Variants in PITPNM2 observed in about 807,000 individuals in gnomAD.
The protein encoded by PITPNM2 is phosphatidylinositol transfer protein membrane associated 2.
PITPNM2 carries 35 observed loss-of-function variants against 132.2 expected under a neutral mutation model. The observed-to-expected ratio is 0.26, with a 90% CI of 0.20 to 0.35. PITPNM2 has a LOEUF of 0.35. Ranked by LOEUF, PITPNM2 falls within the 10% of genes least tolerant of loss-of-function variation. PITPNM2 has a pLI of 1.00. For synonymous variants in PITPNM2, 738 were observed against 799.2 expected, an observed-to-expected ratio of 0.92 and a Z score of 1.29; for missense variants, 1,332 against 1,912.0, an observed-to-expected ratio of 0.70 and a Z score of 5.66.
chr12:123,069,131 T>C (rs928356771), intron 2 of PITPNM2, among the ~76,000 whole-genome samples: 2 of 151,266 alleles, frequency 1.3e-5, no homozygotes, highest in African/African-American at 4.9e-5. Context: ...ATTGTGCCTG[T>C]AGAACCAGCT....
chr12:123,125,882 TTTTTTG>T, intron 1 of PITPNM2, among the ~76,000 whole-genome samples: 1 of 114,494 alleles, frequency 8.7e-6, no homozygotes, highest in African/African-American at 3.2e-5. Flanking sequence ...TTTTTTTTTT[TTTTTTG>T]AGATGGAGTC....
In PITPNM2 at chr12:123,078,619, C is replaced by T. The variant is rs189871730; in HGVS notation, c.-96+31766G>A. 2.6e-5 allele frequency among the ~76,000 whole-genome samples: 4 copies of T among 152,346 alleles called. No individual in the cohort carries two copies. In the East Asian group the frequency reaches 7.7e-4, roughly 29 times the overall value. ...GTTGCCAAATCCTGAGTCACATCTT[C>T]CCACCCTCAGGGATAAGGGGATACC... is the stretch of plus-strand genomic sequence containing the variant. On this transcript the variant is annotated intron_variant, in intron 2 of 25. Coordinates refer to ENST00000320201, the MANE Select transcript of PITPNM2 (RefSeq NM_020845.3). This position sits in a 1 kb window ranked among gnomAD's most constrained non-coding sequence, Gnocchi z 7.3.
Position 123,005,820 on chromosome 12 carries a change from G to A in PITPNM2, c.644-272C>T, listed in dbSNP as rs2038903206. The A allele has an allele frequency of 4.0e-6, 2 of 495,522 alleles. No individual in the cohort carries two copies. Among genetic ancestry groups the A allele is most frequent in the Non-Finnish European group, 7.2e-6 (2 of 279,138 alleles). The allele number at this position is 495,522 out of a possible 1,614,324, so 30.7% of individuals were successfully genotyped here. A position where few individuals can be genotyped will look rare whatever the true frequency, so the allele number is the denominator to read the frequency against. On this transcript the variant is annotated intron_variant, in intron 6 of 25. Coordinates refer to ENST00000320201, the MANE Select transcript of PITPNM2 (RefSeq NM_020845.3). The surrounding 1 kb of genome is among the most constrained non-coding windows in gnomAD (Gnocchi z 6.2). Reference sequence around the variant, plus strand: ...GTCCGGTCAGAAGCCACAGTTGGAAGGGCGCAGTGGCTCATGCCTGTAATC... The same window carrying A: ...GTCCGGTCAGAAGCCACAGTTGGAAAGGCGCAGTGGCTCATGCCTGTAATC...
intron 2 of PITPNM2, among the ~76,000 whole-genome samples, chr12:123,037,826 C>G (rs1396581999): frequency 6.6e-6 from 1 of 152,246 alleles, no homozygotes; most frequent in East Asian, 1.9e-4. Flanking sequence ...GAGCCAGCAC[C>G]CAGACACTGG....
chr12:122,994,779 C>A lies in PITPNM2; in HGVS notation c.2233+22G>T, dbSNP rs1354273591. ...CGCACCCAGTGCATGTACCCCCCAT[C>A]CTGCCCCTGCTGGGCTCTCACCATC... is the stretch of plus-strand genomic sequence containing the variant. On this transcript the variant is annotated intron_variant, in intron 15 of 25. Coordinates refer to ENST00000320201, the MANE Select transcript of PITPNM2 (RefSeq NM_020845.3). The surrounding 1 kb of genome is among the most constrained non-coding windows in gnomAD (Gnocchi z 5.4). The A allele has an allele frequency of 6.2e-7, 1 of 1,601,334 alleles. No homozygotes were observed. The highest frequency in any genetic ancestry group is 8.5e-7 in the Non-Finnish European group (1 of 1,176,174).
chr12:123,057,059 C>T (rs10773921), intron 2 of PITPNM2, among the ~76,000 whole-genome samples: 82,342 of 151,896 alleles, frequency 0.54, 26,803 homozygotes, highest in Non-Finnish European at 0.71. Flanking sequence ...AACCGGGGAG[C>T]ATATCTTCAG....
At chr12:123,081,670 A>G (rs1265465046) in intron 2 of PITPNM2, 1 of 152,208 alleles carries the variant, frequency 6.6e-6, no homozygotes, top group Non-Finnish European at 1.5e-5. Flanking sequence ...CGGGGTCTGA[A>G]GCCCAGGGTC....
chr12:123,100,838 C>A (rs1013442480), intron 2 of PITPNM2, among the ~76,000 whole-genome samples: 1 of 152,216 alleles, frequency 6.6e-6, no homozygotes, highest in Non-Finnish European at 1.5e-5. Context: ...GAGGCAGGAA[C>A]AGTATCTAAC....
In PITPNM2 at chr12:122,986,166, G is replaced by T; in HGVS notation, c.3911C>A (p.Pro1304His). Residue 1304 changes from proline to histidine, a missense_variant, in exon 26 of 26, where the codon CCC (proline) becomes CAC (histidine). By Grantham distance (77) the Pro-to-His change is moderately conservative. This residue lies in a region of PITPNM2 where 163 missense variants were observed against 177.2 expected (regional missense o/e 0.92). Coordinates refer to ENST00000320201, the MANE Select transcript of PITPNM2 (RefSeq NM_020845.3). ...LRTISAQPSG[P>H]SHRHERTQSQ... The stretch of plus-strand genomic sequence containing the variant: ...CTGTGTCCGCTCGTGCCGGTGGCTG[G>T]GCCCGCTGGGCTGGGCCGAGATGGT... 6.5e-7 allele frequency: 1 copy of T among 1,537,332 alleles called. No individual in the cohort carries two copies.
intron 1 of PITPNM2, among the ~76,000 whole-genome samples, chr12:123,135,784 C>T (rs2043368912): frequency 6.6e-6 from 1 of 152,148 alleles, no homozygotes; most frequent in Non-Finnish European, 1.5e-5. Flanking sequence ...TCATAGCACA[C>T]CATAGCCCCA....
chr12:123,019,406 T>C (rs1303156774), intron 3 of PITPNM2, among the ~76,000 whole-genome samples: 3 of 151,912 alleles, frequency 2.0e-5, no homozygotes, highest in Non-Finnish European at 4.4e-5. Context: ...GAATAAAAAG[T>C]GAAAAAGAAT....
chr12:123,135,385 C>A (rs1318433093), intron 1 of PITPNM2, among the ~76,000 whole-genome samples: 1 of 4,788 alleles, frequency 2.1e-4, no homozygotes, highest in African/African-American at 2.5e-3. Context: ...TAACATATGA[C>A]CCCCCCCCTT....
intron 2 of PITPNM2, chr12:123,089,546 T>C (rs916526277): frequency 6.6e-6 from 1 of 152,122 alleles, no homozygotes; most frequent in African/African-American, 2.4e-5. Flanking sequence ...TTAAAGCTGA[T>C]CCGAGGGAAG....
intron 2 of PITPNM2, chr12:123,075,660 C>G (rs1015106536): frequency 1.3e-5 from 2 of 152,226 alleles, no homozygotes; most frequent in Non-Finnish European, 2.9e-5. Context: ...CATCGGCGGC[C>G]CAGGCTCCCA....
At chr12:123,102,770 G>C (rs986544155) in intron 2 of PITPNM2, among the ~76,000 whole-genome samples, 1 of 152,166 alleles carries the variant, frequency 6.6e-6, no homozygotes, top group Admixed American at 6.5e-5. Context: ...GAAGTCACTC[G>C]ATGCAATGAG....
At chr12:122,997,813 C>G (rs2038495657) in intron 10 of PITPNM2, among the ~76,000 whole-genome samples, 1 of 152,206 alleles carries the variant, frequency 6.6e-6, no homozygotes, top group South Asian at 2.1e-4. Flanking sequence ...TCCACTCCTC[C>G]TCCTGCAGCC....
Position 123,129,625 on chromosome 12 carries a change from A to G in PITPNM2, c.-199-19137T>C, listed in dbSNP as rs1593031141. ...TTTATCAAATGCTTTTCTGGCATCA[A>G]CTGAAAGCACAGTAGTTGTTTTATT... is the stretch of plus-strand genomic sequence containing the variant. On this transcript the variant is annotated intron_variant, in intron 1 of 25. Coordinates refer to ENST00000320201, the MANE Select transcript of PITPNM2 (RefSeq NM_020845.3). Among the ~76,000 whole-genome samples, 8 of 152,264 alleles carry G rather than the reference A, an allele frequency of 5.3e-5. 1 individual carries two copies. Among genetic ancestry groups the G allele is most frequent in the Admixed American group, 5.2e-4 (8 of 15,294 alleles).
chr12:123,050,192 T>G (rs1405532604), intron 2 of PITPNM2, among the ~76,000 whole-genome samples: 3 of 152,138 alleles, frequency 2.0e-5, no homozygotes, highest in Non-Finnish European at 4.4e-5. Flanking sequence ...TCTCAGCCCT[T>G]TCTGATGGGC....
At chr12:122,999,575 A>C (rs998956710) in intron 10 of PITPNM2, among the ~76,000 whole-genome samples, 1 of 152,114 alleles carries the variant, frequency 6.6e-6, no homozygotes, top group Non-Finnish European at 1.5e-5. Flanking sequence ...AATCCTGCAT[A>C]GGCCTGTCTG....
Sources: gnomAD v4.1 joint callset for allele counts (sites outside exome capture counted in the v4.1 genomes callset) on GRCh38, gnomAD v4.1.1 for gene constraint, gnomAD v4.1.1 regional missense constraint, Gnocchi (gnomAD v3.1) non-coding constraint, MANE v1.5 for transcripts, NCBI Gene and HGNC (gene_info 2026-07-23, HGNC 2026-07-21) for gene names.